Variants in ROBO2 observed in about 807,000 individuals in gnomAD.
The protein encoded by ROBO2 is roundabout guidance receptor 2.
Under a neutral mutation model 160.8 loss-of-function variants are expected in ROBO2, and 53 were observed. The observed-to-expected ratio is 0.33, with a 90% confidence interval of 0.26 to 0.41. The LOEUF is 0.41. Among genes scored for constraint, ROBO2 ranks in the 10% least tolerant of loss-of-function variants. The probability of loss-of-function intolerance (pLI) is 1.00; values close to 1 mark genes in which losing one functional copy is unlikely to be tolerated. For synonymous variants in ROBO2, 664 were observed against 611.7 expected, an observed-to-expected ratio of 1.09 and a Z score of -1.26; for missense variants, 1,577 against 1,722.4, an observed-to-expected ratio of 0.92 and a Z score of 1.49.
chr3:76,265,908 T>G (rs1279178079), intron 2 of ROBO2, among the ~76,000 whole-genome samples: 1 of 152,092 alleles, frequency 6.6e-6, no homozygotes, highest in East Asian at 1.9e-4. Flanking sequence ...TTAGAAAGGG[T>G]AGGTGAGTTT....
chr3:77,412,900 C>T (rs1370971653), intron 2 of ROBO2, among the ~76,000 whole-genome samples: 2 of 152,242 alleles, frequency 1.3e-5, no homozygotes, highest in African/African-American at 4.8e-5. Flanking sequence ...ATTCTTTAAA[C>T]TCTATTCATT....
At chr3:76,035,873 G>A (rs866381315) in intron 2 of ROBO2, among the ~76,000 whole-genome samples, 1 of 151,910 alleles carries the variant, frequency 6.6e-6, no homozygotes, top group Non-Finnish European at 1.5e-5. Context: ...TAACTCCTGT[G>A]TCTCCTTCAC....
At chr3:76,029,788 C>G (rs2066860651) in intron 2 of ROBO2, among the ~76,000 whole-genome samples, 1 of 152,094 alleles carries the variant, frequency 6.6e-6, no homozygotes, top group African/African-American at 2.4e-5. Flanking sequence ...GGGTTGGTTC[C>G]AAGTCTTTGC....
At chr3:77,410,369 A>T (rs2076604384) in intron 2 of ROBO2, among the ~76,000 whole-genome samples, 1 of 151,938 alleles carries the variant, frequency 6.6e-6, no homozygotes, top group Non-Finnish European at 1.5e-5. Context: ...TCTATAGCTA[A>T]TTTTCTTCGC....
intron 2 of ROBO2, among the ~76,000 whole-genome samples, chr3:77,008,674 C>T (rs568456775): frequency 2.0e-5 from 3 of 152,194 alleles, no homozygotes; most frequent in South Asian, 2.1e-4. Context: ...TAGCTGAAAA[C>T]GCACCTGAAA....
chr3:77,468,847 C>T (rs2083058403), intron 2 of ROBO2, among the ~76,000 whole-genome samples: 1 of 152,174 alleles, frequency 6.6e-6, no homozygotes, highest in South Asian at 2.1e-4. Flanking sequence ...GTGAGAGCTT[C>T]TCATTTTGGA....
At chr3:76,223,094 C>T (rs561675956) in intron 2 of ROBO2, among the ~76,000 whole-genome samples, 1 of 151,420 alleles carries the variant, frequency 6.6e-6, no homozygotes, top group East Asian at 2.0e-4. Context: ...AGACATGCTC[C>T]CCAGACTTCT....
chr3:75,911,552 CTTTTTTTTTTTTTT>C (rs56787695), intron 1 of ROBO2, among the ~76,000 whole-genome samples: 2 of 83,558 alleles, frequency 2.4e-5, no homozygotes, highest in South Asian at 5.1e-4. Context: ...AGCCTTGTTT[CTTTTTTTTTTTTTT>C]TTTTTTTTTG....
At chr3:76,649,794 T>A (rs1479666545) in intron 2 of ROBO2, among the ~76,000 whole-genome samples, 1 of 152,124 alleles carries the variant, frequency 6.6e-6, no homozygotes, top group Non-Finnish European at 1.5e-5. Flanking sequence ...AGAAGTCACA[T>A]TTGTTCTATG....
intron 2 of ROBO2, among the ~76,000 whole-genome samples, chr3:76,625,098 C>T (rs956631979): frequency 6.6e-6 from 1 of 151,996 alleles, no homozygotes; most frequent in African/African-American, 2.4e-5. Context: ...AATAACAGAA[C>T]TTAGATCTAT....
At chr3:75,912,257 C>A (rs1946630158) in intron 1 of ROBO2, among the ~76,000 whole-genome samples, 1 of 152,170 alleles carries the variant, frequency 6.6e-6, no homozygotes, top group African/African-American at 2.4e-5. Context: ...TTTCTCCTCC[C>A]CATGCTTAAC....
At chr3:76,007,064 G>A (rs1430705419) in intron 2 of ROBO2, among the ~76,000 whole-genome samples, 2 of 152,014 alleles carry the variant, frequency 1.3e-5, no homozygotes, top group Non-Finnish European at 2.9e-5. Context: ...ACATTATTCA[G>A]CATATTTTTC....
chr3:77,520,576 T>C (rs991136109), intron 5 of ROBO2, among the ~76,000 whole-genome samples: 1 of 151,194 alleles, frequency 6.6e-6, no homozygotes, highest in South Asian at 2.1e-4. Flanking sequence ...GAAAAGACTT[T>C]TTAGACCATT....
At chr3:76,027,871 T>C (rs771474871) in intron 2 of ROBO2, among the ~76,000 whole-genome samples, 1 of 151,996 alleles carries the variant, frequency 6.6e-6, no homozygotes, top group Non-Finnish European at 1.5e-5. Flanking sequence ...TTGCTAAATC[T>C]GACAATCCTA....
chr3:77,237,952 A>G (rs1436308228), intron 2 of ROBO2, among the ~76,000 whole-genome samples: 1 of 152,162 alleles, frequency 6.6e-6, no homozygotes, highest in Non-Finnish European at 1.5e-5. Flanking sequence ...GTGCAACGGT[A>G]TCTCATTGTT....
At chr3:76,443,442 AT>A (rs1430361169) in intron 2 of ROBO2, among the ~76,000 whole-genome samples, 1 of 152,040 alleles carries the variant, frequency 6.6e-6, no homozygotes, top group Non-Finnish European at 1.5e-5. Context: ...CGTAGGGACT[AT>A]TTTACTAGTG....
chr3:76,197,052 G>A (rs552512001), intron 2 of ROBO2, among the ~76,000 whole-genome samples: 8 of 152,314 alleles, frequency 5.3e-5, no homozygotes, highest in African/African-American at 1.9e-4. Flanking sequence ...TGGTTATACT[G>A]TTGTACCCAG....
At chr3:75,914,938 C>T (rs532537342) in intron 1 of ROBO2, among the ~76,000 whole-genome samples, 1 of 152,330 alleles carries the variant, frequency 6.6e-6, no homozygotes, top group Admixed American at 6.5e-5. Context: ...AGCAGGCCAG[C>T]TGTTCCTTTT....
intron 6 of ROBO2, chr3:77,538,987 G>T (rs183688839): frequency 1.5e-5 from 6 of 408,502 alleles, no homozygotes; most frequent in Admixed American, 1.1e-4. Context: ...CAACAATCTC[G>T]GCTCACTGCA....
Sources: gnomAD v4.1 joint callset for allele counts (sites outside exome capture counted in the v4.1 genomes callset) on GRCh38, gnomAD v4.1.1 for gene constraint, MANE v1.5 for transcripts, NCBI Gene and HGNC (gene_info 2026-07-23, HGNC 2026-07-21) for gene names.